EXT1: variants seen among roughly 807,000 people sequenced by gnomAD.
EXT1 encodes exostosin glycosyltransferase 1.
EXT1 carries 20 observed loss-of-function variants against 82.5 expected under a neutral mutation model. The ratio of observed to expected loss-of-function variants is 0.24; its 90% CI spans 0.17 to 0.35. The LOEUF (loss-of-function observed/expected upper bound fraction) is 0.35. Among genes scored for constraint, EXT1 ranks in the 10% least tolerant of loss-of-function variants. The pLI, the probability that EXT1 is intolerant of heterozygous loss-of-function variation, is 1.00. For missense variants in EXT1, 757 were observed against 936.5 expected (o/e 0.81, Z 2.50); for synonymous variants, 348 against 350.8 (o/e 0.99, Z 0.09).
rs572474295 is a variant in EXT1 at position 117,804,640 on chromosome 8, A to G, written c.2055+82T>C. 86 of 1,484,252 alleles carry G rather than the reference A, an allele frequency of 5.8e-5. No individual in the cohort carries two copies. The South Asian group carries it at 9.0e-4, about 16-fold the overall frequency. 91.9% of individuals were successfully genotyped at this position (1,484,252 alleles called of 1,614,324 possible). On this transcript the variant is annotated intron_variant, in intron 10 of 10. Coordinates refer to ENST00000378204, the MANE Select transcript of EXT1 (RefSeq NM_000127.3). ...CTCATTATATGCTCCTGGGTGGAAC[A>G]GCTAGAGGAACGTGAGTCCTCATTA...
At chr8:117,830,499 A>ATTTC in intron 3 of EXT1, 150 bp from the exon 4 acceptor site, 1 of 841,764 alleles carries the variant, frequency 1.2e-6, no homozygotes, top group Non-Finnish European at 1.8e-6. Flanking sequence ...TCCTAAGTTG[A>ATTTC]AATGACCTTA....
chr8:117,947,590 T>C (rs1321057518), intron 1 of EXT1, among the ~76,000 whole-genome samples: 2 of 152,196 alleles, frequency 1.3e-5, no homozygotes, highest in African/African-American at 4.8e-5. Flanking sequence ...TTGGGGTTCC[T>C]AGAAAGGATG....
At chr8:117,809,568 C>A (rs991963916) in intron 8 of EXT1, among the ~76,000 whole-genome samples, 2 of 149,148 alleles carry the variant, frequency 1.3e-5, no homozygotes, top group African/African-American at 5.0e-5. Flanking sequence ...ACCCAGGAGG[C>A]GGAGGTTGCG....
In EXT1 at chr8:117,849,879, A is replaced by T. The variant is rs561177021; in HGVS notation, c.963-12678T>A. On this transcript the variant is annotated intron_variant, in intron 1 of 10. Transcript: ENST00000378204. Reference sequence around the variant, plus strand: ...TTCTTTTGCCTTTTCTTTGCGTCCCAAATTATTATGGCATATACCCAAAAT... The same window carrying T: ...TTCTTTTGCCTTTTCTTTGCGTCCCTAATTATTATGGCATATACCCAAAAT... Among the ~76,000 whole-genome samples, 6 of 152,336 alleles carry T rather than the reference A, an allele frequency of 3.9e-5. No individual in the cohort carries two copies. The South Asian group carries it at 1.2e-3, about 32-fold the overall frequency.
chr8:117,839,177 T>C (rs948033462), intron 1 of EXT1, among the ~76,000 whole-genome samples: 1 of 152,156 alleles, frequency 6.6e-6, no homozygotes, highest in East Asian at 1.9e-4. Context: ...TAATAGGTAA[T>C]AGGAGCTGTG....
At chr8:118,042,161 T>C (rs940997745) in intron 1 of EXT1, among the ~76,000 whole-genome samples, 1 of 152,168 alleles carries the variant, frequency 6.6e-6, no homozygotes, top group Non-Finnish European at 1.5e-5. Context: ...TCTTTGATAC[T>C]TGGAGCACAA....
intron 7 of EXT1, among the ~76,000 whole-genome samples, chr8:117,816,884 A>G (rs1427152800): frequency 6.6e-6 from 1 of 152,180 alleles, no homozygotes; most frequent in Non-Finnish European, 1.5e-5. Context: ...GGAAGCATAC[A>G]AAACAAAGAA....
chr8:117,804,128 T>C (rs1363701349), intron 10 of EXT1, among the ~76,000 whole-genome samples: 1 of 152,194 alleles, frequency 6.6e-6, no homozygotes, highest in Non-Finnish European at 1.5e-5. Flanking sequence ...AATATTTATA[T>C]GTTGAAGCTT....
chr8:118,025,630 C>G (rs1222069853), intron 1 of EXT1, among the ~76,000 whole-genome samples: 1 of 152,150 alleles, frequency 6.6e-6, no homozygotes, highest in East Asian at 1.9e-4. Context: ...AGTGAGGAGA[C>G]TGACTTGCCA....
chr8:117,799,995 A>G (rs1211478958), intron 10 of EXT1, 98 bp from the exon 11 acceptor site: 4 of 1,309,262 alleles, frequency 3.1e-6, no homozygotes, highest in Non-Finnish European at 4.3e-6. Flanking sequence ...GCAAGCAGCA[A>G]AGCTTGGGGT....
At chr8:117,898,842 G>A (rs1813391403) in intron 1 of EXT1, among the ~76,000 whole-genome samples, 1 of 151,510 alleles carries the variant, frequency 6.6e-6, no homozygotes, top group African/African-American at 2.4e-5. Context: ...AAAAATGAAT[G>A]AACACAGCTC....
At chr8:117,997,571 T>C (rs926262867) in intron 1 of EXT1, among the ~76,000 whole-genome samples, 1 of 152,096 alleles carries the variant, frequency 6.6e-6, no homozygotes, top group African/African-American at 2.4e-5. Flanking sequence ...TCTTGATATA[T>C]ACCTAGGGAT....
chr8:118,096,027 A>G (rs1267520433), intron 1 of EXT1, among the ~76,000 whole-genome samples: 2 of 152,220 alleles, frequency 1.3e-5, no homozygotes, highest in African/African-American at 4.8e-5. Flanking sequence ...TGATAGCTCA[A>G]TTAAGCCCTG....
At chr8:118,020,029 C>G (rs1013261174) in intron 1 of EXT1, among the ~76,000 whole-genome samples, 1 of 152,212 alleles carries the variant, frequency 6.6e-6, no homozygotes, top group Non-Finnish European at 1.5e-5. Flanking sequence ...CTCTGCTCTT[C>G]TTCCATCTTT....
intron 1 of EXT1, among the ~76,000 whole-genome samples, chr8:117,856,590 CAGAG>C (rs143658208): frequency 0.14 from 21,720 of 151,682 alleles, 1,851 homozygotes; most frequent in East Asian, 0.37. Flanking sequence ...TTTATGATGA[CAGAG>C]AGAAATGTGG....
At chr8:117,846,792 G>C (rs1401132882) in intron 1 of EXT1, among the ~76,000 whole-genome samples, 2 of 152,102 alleles carry the variant, frequency 1.3e-5, no homozygotes, top group African/African-American at 4.8e-5. Context: ...GATAGGGGTG[G>C]GCAGCGCAGT....
intron 1 of EXT1, among the ~76,000 whole-genome samples, chr8:118,035,887 T>C (rs1393276675): frequency 6.6e-6 from 1 of 152,216 alleles, no homozygotes; most frequent in East Asian, 1.9e-4. Context: ...TTAAATTTGA[T>C]TAATTCATAT....
chr8:117,872,934 A>G (rs1328885322), intron 1 of EXT1, among the ~76,000 whole-genome samples: 1 of 152,048 alleles, frequency 6.6e-6, no homozygotes, highest in South Asian at 2.1e-4. Context: ...GGTTAGGGAG[A>G]AGTTAAAGAG....
chr8:117,844,753 G>A (rs1336025135), intron 1 of EXT1, among the ~76,000 whole-genome samples: 1 of 152,146 alleles, frequency 6.6e-6, no homozygotes, highest in Non-Finnish European at 1.5e-5. Flanking sequence ...GTACAAATGA[G>A]CTATGCAAAT....
Sources: gnomAD v4.1 joint callset for allele counts (sites outside exome capture counted in the v4.1 genomes callset) on GRCh38, gnomAD v4.1.1 for gene constraint, MANE v1.5 for transcripts, NCBI Gene and HGNC (gene_info 2026-07-23, HGNC 2026-07-21) for gene names.